The following MSRA variants were observed in gnomAD, a reference collection of about 807,000 sequenced individuals.
MSRA encodes mitochondrial peptide methionine sulfoxide reductase.
In MSRA, 54 loss-of-function variants were observed where a neutral mutation model predicts 31.3. The observed-to-expected ratio is 1.73, with a 90% CI of 1.39 to 2.17. MSRA has a LOEUF of 2.17. MSRA is among the 30% of genes most tolerant of loss of function. The pLI, the probability that MSRA is intolerant of heterozygous loss-of-function variation, is 0.00. For missense variants in MSRA, 507 were observed against 300.9 expected, an observed-to-expected ratio of 1.69 and a Z score of -5.07; for synonymous variants, 169 against 116.5, an observed-to-expected ratio of 1.45 and a Z score of -2.90.
At chr8:10,353,688 C>G (rs773411670) in intron 5 of MSRA, 5 of 455,848 alleles carry the variant, frequency 1.1e-5, no homozygotes, top group Non-Finnish European at 1.8e-5. Context: ...AGTATAGGGA[C>G]TCTCCTTGTC....
chr8:10,085,037 G>T (rs535295093), intron 1 of MSRA, among the ~76,000 whole-genome samples: 1 of 151,914 alleles, frequency 6.6e-6, no homozygotes, highest in Non-Finnish European at 1.5e-5. Context: ...TAAATAAATC[G>T]TACTATGGTT....
At chr8:10,287,897 C>T (rs1162417851) in intron 3 of MSRA, among the ~76,000 whole-genome samples, 3 of 152,150 alleles carry the variant, frequency 2.0e-5, no homozygotes, top group Admixed American at 2.0e-4. Context: ...GCAGTAATTG[C>T]TTCATCCTGG....
intron 1 of MSRA, among the ~76,000 whole-genome samples, chr8:10,069,467 A>C (rs1469212875): frequency 6.6e-6 from 1 of 152,208 alleles, no homozygotes; most frequent in Non-Finnish European, 1.5e-5. Flanking sequence ...GTAATTTATA[A>C]AGAAACGTAT....
intron 1 of MSRA, among the ~76,000 whole-genome samples, chr8:10,063,533 C>T (rs995053570): frequency 3.3e-5 from 5 of 152,146 alleles, no homozygotes; most frequent in African/African-American, 7.2e-5. Context: ...TGTGCCCCTA[C>T]TGAATTCATG....
At chr8:10,393,853 C>T (rs936415158) in intron 5 of MSRA, among the ~76,000 whole-genome samples, 3 of 152,178 alleles carry the variant, frequency 2.0e-5, no homozygotes, top group African/African-American at 7.2e-5. Context: ...TACATGGTCA[C>T]TATTCAGGCT....
chr8:10,160,511 T>C (rs1193966870), intron 1 of MSRA, among the ~76,000 whole-genome samples: 2 of 151,680 alleles, frequency 1.3e-5, no homozygotes, highest in Non-Finnish European at 2.9e-5. Context: ...AAAAAAAATC[T>C]ATATAGATCT....
rs372503609 is a variant in MSRA at position 10,283,836 on chromosome 8, T to TACACACAC, written c.332-17672_332-17665dup. ...ATATATATATATATATATATATATA[T>TACACACAC]ACACACACACACACACACACACACA... On this transcript the variant is annotated intron_variant, in intron 3 of 5. Transcript: ENST00000317173. Among the ~76,000 whole-genome samples, 161 of 53,096 alleles carry TACACACAC rather than the reference T, an allele frequency of 3.0e-3. 1 individual carries two copies. The highest frequency in any genetic ancestry group is 7.6e-3 in the East Asian group (9 of 1,184). 34.8% of individuals were successfully genotyped at this position (53,096 alleles called of 152,430 possible). A position where few individuals can be genotyped will look rare whatever the true frequency, so the allele number is the denominator to read the frequency against.
intron 5 of MSRA, among the ~76,000 whole-genome samples, chr8:10,333,799 TCTC>T (rs1452108141): frequency 6.6e-6 from 1 of 151,566 alleles, no homozygotes; most frequent in African/African-American, 2.4e-5. Flanking sequence ...CCACGTTTCT[TCTC>T]CACCCCACCC....
chr8:10,105,306 A>C (rs1200230042), intron 1 of MSRA, among the ~76,000 whole-genome samples: 1 of 152,302 alleles, frequency 6.6e-6, no homozygotes, highest in South Asian at 2.1e-4. Flanking sequence ...GTAATAATAC[A>C]TGCTTACAAT....
intron 1 of MSRA, among the ~76,000 whole-genome samples, chr8:10,153,567 A>T (rs1334431541): frequency 1.3e-5 from 2 of 152,046 alleles, no homozygotes; most frequent in Admixed American, 1.3e-4. Context: ...TCACTGGGTG[A>T]GGTAGAGATA....
At position 10,245,303 on chromosome 8, in the gene MSRA, A is replaced by C. The variant is rs555995522; in HGVS notation, c.331+80A>C. 3.1e-6 allele frequency: 4 copies of C among 1,302,312 alleles called. No homozygotes were observed. The South Asian group carries it at 5.6e-5, about 18-fold the overall frequency. 80.7% of individuals were successfully genotyped at this position (1,302,312 alleles called of 1,614,324 possible). ...CTACTGTTGGGTGACAGGCTCTTTA[A>C]AATGGAAATATGTTTTTTTAAAAAT... On this transcript the variant is annotated intron_variant, in intron 3 of 5. Transcript: ENST00000317173.
At chr8:10,142,818 C>T (rs924975248) in intron 1 of MSRA, among the ~76,000 whole-genome samples, 2 of 152,186 alleles carry the variant, frequency 1.3e-5, no homozygotes, top group African/African-American at 4.8e-5. Context: ...TGATGTTTTC[C>T]AATGCAGATT....
At chr8:10,141,247 C>T (rs1026261430) in intron 1 of MSRA, among the ~76,000 whole-genome samples, 3 of 152,186 alleles carry the variant, frequency 2.0e-5, no homozygotes, top group African/African-American at 7.2e-5. Flanking sequence ...CCTCGCCCCT[C>T]ACGCCTTATA....
At chr8:10,203,934 C>G (rs1808723325) in intron 1 of MSRA, among the ~76,000 whole-genome samples, 1 of 151,890 alleles carries the variant, frequency 6.6e-6, no homozygotes. Flanking sequence ...GCATTTGTGT[C>G]TTAGTTTTCA....
At chr8:10,067,394 G>C (rs1585077649) in intron 1 of MSRA, among the ~76,000 whole-genome samples, 1 of 152,294 alleles carries the variant, frequency 6.6e-6, no homozygotes, top group African/African-American at 2.4e-5. Flanking sequence ...TTGTATGGAT[G>C]TACCACAGTT....
At chr8:10,148,376 G>A (rs1563151381) in intron 1 of MSRA, among the ~76,000 whole-genome samples, 1 of 151,596 alleles carries the variant, frequency 6.6e-6, no homozygotes, top group Non-Finnish European at 1.5e-5. Flanking sequence ...GGCCAGGCAC[G>A]GTGGCTCATG....
chr8:10,108,893 C>T (rs1035455421), intron 1 of MSRA, among the ~76,000 whole-genome samples: 3 of 152,132 alleles, frequency 2.0e-5, no homozygotes, highest in Non-Finnish European at 4.4e-5. Flanking sequence ...CCAATGTAGG[C>T]AGCCCTCCCA....
chr8:10,066,765 C>T (rs373815735), intron 1 of MSRA, among the ~76,000 whole-genome samples: 2 of 152,214 alleles, frequency 1.3e-5, no homozygotes, highest in East Asian at 3.9e-4. Context: ...GAACTCCTGA[C>T]CTCAGGTGAT....
At position 10,360,676 on chromosome 8, in the gene MSRA, A is replaced by G. The variant is rs115893649; in HGVS notation, c.543+40687A>G. Among the ~76,000 whole-genome samples the G allele has an allele frequency of 1.1e-3, 160 of 152,336 alleles. 1 individual carries two copies. Among genetic ancestry groups the G allele is most frequent in the African/African-American group, 3.8e-3 (157 of 41,574 alleles). ...AACTCTGGGTTTGAACTCCAGCCCC[A>G]AAGCAGGCACAATTCTGGGCTTTTG... On this transcript the variant is annotated intron_variant, in intron 5 of 5. Coordinates refer to ENST00000317173, the MANE Select transcript of MSRA (RefSeq NM_012331.5).
Sources: gnomAD v4.1 joint callset for allele counts (sites outside exome capture counted in the v4.1 genomes callset) on GRCh38, gnomAD v4.1.1 for gene constraint, MANE v1.5 for transcripts, NCBI Gene and HGNC (gene_info 2026-07-23, HGNC 2026-07-21) for gene names.